Variants in UMOD observed in about 807,000 individuals in gnomAD.
The protein encoded by UMOD is Tamm-Horsfall urinary glycoprotein.
In UMOD, 64 loss-of-function variants were observed where a neutral mutation model predicts 66.0. That is an observed-to-expected ratio of 0.97 (90% CI 0.79 to 1.19). The LOEUF is 1.19. Among genes scored for constraint, UMOD ranks in the 50% most tolerant of loss-of-function variants. UMOD has a pLI of 0.00. For synonymous variants in UMOD, 398 were observed against 352.7 expected (o/e 1.13, Z -1.44); for missense variants, 764 against 850.9 (o/e 0.90, Z 1.27).
At chr16:20,340,349 G>A (rs1434450594) in intron 7 of UMOD, among the ~76,000 whole-genome samples, 7 of 151,558 alleles carry the variant, frequency 4.6e-5, no homozygotes, top group Non-Finnish European at 7.4e-5. Context: ...TCCGGCCTGG[G>A]TGACAGAATG....
chr16:20,350,929 C>T (rs1172888804), intron 1 of UMOD, 90 bp from the exon 2 acceptor site: 19 of 1,339,868 alleles, frequency 1.4e-5, no homozygotes, highest in Non-Finnish European at 1.6e-5. Flanking sequence ...TATACAACTC[C>T]AGGAGGTGTC....
Position 20,348,975 on chromosome 16 carries a change from A to T in UMOD, c.326T>A (p.Val109Glu), listed in dbSNP as rs780462125. 1.1e-5 allele frequency: 17 copies of T among 1,573,698 alleles called. No homozygotes were observed. Among genetic ancestry groups the T allele is most frequent in the East Asian group, 4.7e-5 (2 of 42,546 alleles). The change falls in exon 3 of 11, where the codon GTG becomes GAG. Residue 109 changes from valine (V) to glutamate (E), a missense_variant. Transcript: ENST00000396138. ...RLSPGLGCTDVDECAEPGLSH... is the reference protein window; with the variant it reads ...RLSPGLGCTDEDECAEPGLSH... ...AAGCCCAGGCTCAGCGCACTCATCC[A>T]CGTCTGTGCAGCCGAGACCGGGCGA...
rs759868422 is a variant in UMOD at position 20,335,469 on chromosome 16, G to C, written c.1861+13C>G. 3 of 1,613,954 alleles carry C rather than the reference G, an allele frequency of 1.9e-6. No homozygotes were observed. Among genetic ancestry groups the C allele is most frequent in the East Asian group, 2.2e-5 (1 of 44,878 alleles). On this transcript the variant is annotated intron_variant, in intron 10 of 10. Coordinates refer to ENST00000396138, the MANE Select transcript of UMOD (RefSeq NM_003361.4). Reference sequence around the variant, plus strand: ...CTGGAACAGGTCCCACTGCAGAAAGGACCTGAACTTACCCAAGCTGCTAAA... The same window carrying C: ...CTGGAACAGGTCCCACTGCAGAAAGCACCTGAACTTACCCAAGCTGCTAAA...
At chr16:20,352,992 T>G (rs1965964132), upstream of UMOD, 2 of 344,246 alleles carry the variant, frequency 5.8e-6, no homozygotes, top group Non-Finnish European at 1.0e-5. Context: ...GATTCCATAG[T>G]TAGAAATTAA....
chr16:20,349,639 G>A, intron 2 of UMOD: 1 of 1,433,316 alleles, frequency 7.0e-7, no homozygotes, highest in Non-Finnish European at 9.1e-7. Flanking sequence ...TTTGTGTTAA[G>A]CATTGCTTTC....
intron 7 of UMOD, among the ~76,000 whole-genome samples, chr16:20,338,554 G>A (rs932113154): frequency 1.3e-4 from 20 of 152,248 alleles, no homozygotes; most frequent in African/African-American, 4.8e-4. Context: ...GAGTGCAGTG[G>A]TGTGATCTTG....
At chr16:20,347,482 A>C (rs1163256486) in intron 4 of UMOD, among the ~76,000 whole-genome samples, 1 of 152,234 alleles carries the variant, frequency 6.6e-6, no homozygotes, top group Non-Finnish European at 1.5e-5. Context: ...AGTATTACAC[A>C]ACTGCTGAAA....
intron 5 of UMOD, among the ~76,000 whole-genome samples, chr16:20,345,019 G>A (rs1381665204): frequency 6.6e-6 from 1 of 152,132 alleles, no homozygotes; most frequent in Non-Finnish European, 1.5e-5. Flanking sequence ...ATTTCTTTTT[G>A]TTTGTTTGTT....
intron 2 of UMOD, chr16:20,349,965 C>T (rs1273541382): frequency 3.7e-6 from 5 of 1,355,072 alleles, no homozygotes; most frequent in Non-Finnish European, 4.9e-6. Context: ...TTTTCACTCA[C>T]TATCTTGTTG....
rs766187284 is a variant in UMOD, at chr16:20,348,878, G to A, written c.423C>T (p.Tyr141=). ...ACTCACAGTGCCATCCATCCCCCCGGTAGCCCGCGGGGCATACGCACAAGT... is the reference window on the plus strand; with the variant it reads ...ACTCACAGTGCCATCCATCCCCCCGATAGCCCGCGGGGCATACGCACAAGT... ...GSYLCVCPAG[Y]RGDGWHCECS... Residue 141 remains tyrosine (Y), a synonymous_variant, in exon 3 of 11, where the codon TAC becomes TAT. Coordinates refer to ENST00000396138, the MANE Select transcript of UMOD (RefSeq NM_003361.4). The A allele has an allele frequency of 3.3e-5, 51 of 1,550,974 alleles. No homozygotes were observed. The highest frequency in any genetic ancestry group is 2.7e-4 in the South Asian group (23 of 84,278).
intron 5 of UMOD, among the ~76,000 whole-genome samples, chr16:20,344,736 T>C (rs972065125): frequency 5.3e-5 from 8 of 152,184 alleles, no homozygotes; most frequent in South Asian, 2.1e-4. Context: ...GCATATGTCA[T>C]GTGCCAGACC....
At chr16:20,349,768 T>C in intron 2 of UMOD, 1 of 1,549,082 alleles carries the variant, frequency 6.5e-7, no homozygotes, top group Non-Finnish European at 8.7e-7. Flanking sequence ...TTATGTTTTC[T>C]GCTTCCCTGG....
At chr16:20,349,897 A>C in intron 2 of UMOD, 1 of 1,518,584 alleles carries the variant, frequency 6.6e-7, no homozygotes, top group Non-Finnish European at 8.8e-7. Flanking sequence ...CCATTAAAAA[A>C]AAAAAGAAGC....
rs1259853990 is a variant in UMOD, at chr16:20,346,230, A to T, written c.1078T>A (p.Tyr360Asn). The T allele has an allele frequency of 6.2e-7, 1 of 1,614,284 alleles. No individual in the cohort carries two copies. The change falls in exon 5 of 11, where the codon TAC (tyrosine) becomes AAC (asparagine). Residue 360 changes from tyrosine to asparagine, a missense_variant. Tyr to Asn is a moderately radical substitution (Grantham distance 143). Coordinates refer to ENST00000396138, the MANE Select transcript of UMOD (RefSeq NM_003361.4). The stretch of plus-strand genomic sequence containing the variant: ...CCCGAGCACCGGCTGTCACTCAGGT[A>T]CATGAAGACCTTGTCGAAGCCCAGA... Reference protein sequence around the residue: ...KSLGFDKVFMYLSDSRCSGFN... With the variant: ...KSLGFDKVFMNLSDSRCSGFN...
intron 2 of UMOD, chr16:20,349,847 G>A: frequency 6.5e-7 from 1 of 1,548,718 alleles, no homozygotes; most frequent in Non-Finnish European, 8.7e-7. Flanking sequence ...AACTCCACCT[G>A]GCTGGGCAGT....
In UMOD at chr16:20,341,105, G is replaced by A. The variant is rs771600961; in HGVS notation, c.1563C>T (p.Phe521=). 4 of 1,613,688 alleles carry A rather than the reference G, an allele frequency of 2.5e-6. No individual in the cohort carries two copies. Among genetic ancestry groups the A allele is most frequent in the Non-Finnish European group, 1.7e-6 (2 of 1,179,800 alleles). ...SSNATDPLKY[F]IIQDRCPHTR... The stretch of plus-strand genomic sequence containing the variant: ...CTTTGCCTTACCTGTCCTGGATGAT[G>A]AAGTACTTCAGGGGGTCCGTGGCAT... The change falls in exon 7 of 11, where the codon TTC becomes TTT. Residue 521 remains phenylalanine, a synonymous_variant. Transcript: ENST00000396138.
At position 20,348,505 on chromosome 16, in the gene UMOD, C is replaced by T; in HGVS notation, c.796G>A (p.Ala266Thr). 6.2e-7 allele frequency: 1 copy of T among 1,610,216 alleles called. No individual in the cohort carries two copies. Among genetic ancestry groups the T allele is most frequent in the South Asian group, 1.1e-5 (1 of 90,896 alleles). The change falls in exon 3 of 11, where the codon GCC (alanine) becomes ACC (threonine). Residue 266 changes from alanine (A) to threonine (T), a missense_variant. Coordinates refer to ENST00000396138, the MANE Select transcript of UMOD (RefSeq NM_003361.4). ...CLWDASVQVK[A>T]CAGGYYVYNL... ...TAGACGTAGTAGCCGCCGGCACAGG[C>T]CTTCACCTGGACGGACGCATCCCAC... is the stretch of plus-strand genomic sequence containing the variant.
intron 7 of UMOD, among the ~76,000 whole-genome samples, chr16:20,340,607 C>T (rs72776660): frequency 0.028 from 4,322 of 151,968 alleles, 99 homozygotes; most frequent in Non-Finnish European, 0.047. Context: ...CTATAAATGG[C>T]TTCACACGAC....
At chr16:20,353,531 T>C (rs1007013189), upstream of UMOD, among the ~76,000 whole-genome samples, 7 of 152,136 alleles carry the variant, frequency 4.6e-5, no homozygotes, top group African/African-American at 1.7e-4. Flanking sequence ...AGTAAAGTCA[T>C]ATAGTAATGA....
Sources: allele counts gnomAD v4.1 joint callset (sites outside exome capture counted in the v4.1 genomes callset), GRCh38; gene constraint gnomAD v4.1.1; transcripts MANE v1.5; gene names NCBI Gene and HGNC (gene_info 2026-07-23, HGNC 2026-07-21).